Variants in PPP2R5E observed in about 807,000 individuals in gnomAD.
PPP2R5E encodes the protein protein phosphatase 2 regulatory subunit B'epsilon, also known as serine/threonine-protein phosphatase 2A 56 kDa regulatory subunit epsilon isoform.
In PPP2R5E, 4 loss-of-function variants were observed where a neutral mutation model predicts 65.3. That is an observed-to-expected ratio of 0.06 (90% confidence interval 0.03 to 0.14). The LOEUF is 0.14. PPP2R5E is among the 10% of genes least tolerant of loss of function. The probability of loss-of-function intolerance (pLI) is 1.00; values close to 1 mark genes in which losing one functional copy is unlikely to be tolerated. For missense variants in PPP2R5E, 274 were observed against 556.1 expected (o/e 0.49, Z 5.10); for synonymous variants, 183 against 187.4 (o/e 0.98, Z 0.19).
chr14:63,476,822 CA>C (rs565401494), intron 2 of PPP2R5E, among the ~76,000 whole-genome samples: 62 of 152,244 alleles, frequency 4.1e-4, no homozygotes, highest in African/African-American at 1.5e-3. Context: ...GATAGGATCA[CA>C]TATTTAACAC....
intron 4 of PPP2R5E, among the ~76,000 whole-genome samples, chr14:63,419,927 C>A (rs1162241025): frequency 6.6e-6 from 1 of 152,148 alleles, no homozygotes; most frequent in Non-Finnish European, 1.5e-5. Flanking sequence ...GGTTAATATT[C>A]CTGCAGTAAT....
At chr14:63,483,763 G>C (rs374928852) in intron 2 of PPP2R5E, among the ~76,000 whole-genome samples, 54 of 152,204 alleles carry the variant, frequency 3.5e-4, no homozygotes, top group African/African-American at 1.2e-3. Context: ...GAGCCGAGAT[G>C]GGGGAAGGAG....
rs769890501 is a variant in PPP2R5E, at chr14:63,415,090, T to TA, written c.549+49dup. 4.5e-6 allele frequency: 6 copies of TA among 1,326,582 alleles called. No individual in the cohort carries two copies. In the African/African-American group the frequency reaches 5.9e-5, roughly 13 times the overall value. 82.2% of individuals were successfully genotyped at this position (1,326,582 alleles called of 1,614,324 possible). A position where few individuals can be genotyped will look rare whatever the true frequency, so the allele number is the denominator to read the frequency against. On this transcript the variant is annotated intron_variant, in intron 5 of 13. Coordinates refer to ENST00000337537, the MANE Select transcript of PPP2R5E (RefSeq NM_006246.5). The stretch of plus-strand genomic sequence containing the variant: ...TAACAAACATGAAGAGAAAATGAGA[T>TA]AAAGTGTTAACTGGATGACAAATAC...
chr14:63,507,780 A>G (rs1045148439), intron 2 of PPP2R5E, among the ~76,000 whole-genome samples: 2 of 151,936 alleles, frequency 1.3e-5, no homozygotes, highest in Non-Finnish European at 2.9e-5. Flanking sequence ...GGGTTTCACC[A>G]TGTTAGCCAG....
chr14:63,513,011 A>AAACAAC (rs1200211973), intron 2 of PPP2R5E, among the ~76,000 whole-genome samples: 1 of 152,072 alleles, frequency 6.6e-6, no homozygotes, highest in Non-Finnish European at 1.5e-5. Flanking sequence ...CCCACCAAGA[A>AAACAAC]AACAACAACA....
chr14:63,539,257 C>A (rs1416907554), intron 2 of PPP2R5E, among the ~76,000 whole-genome samples: 1 of 152,158 alleles, frequency 6.6e-6, no homozygotes, highest in African/African-American at 2.4e-5. Context: ...CAAACCCAGA[C>A]ATCTTAAAGT....
rs1041178976 is a variant in PPP2R5E, at chr14:63,471,651, T to C, written c.158-17766A>G. Among the ~76,000 whole-genome samples the C allele has an allele frequency of 2.0e-5, 3 of 152,142 alleles. No individual in the cohort carries two copies. In the East Asian group the frequency reaches 5.8e-4, roughly 29 times the overall value. ...GTATTACCAACCTTATTTTTACATA[T>C]AAAAATTGGCCCAAAGATATTTAGC... is the stretch of plus-strand genomic sequence containing the variant. On this transcript the variant is annotated intron_variant, in intron 2 of 13. Transcript: ENST00000337537.
intron 3 of PPP2R5E, 81 bp from the exon 4 acceptor site, chr14:63,422,175 G>T: frequency 9.0e-7 from 1 of 1,112,430 alleles, no homozygotes; most frequent in Non-Finnish European, 1.4e-6. Flanking sequence ...CAAGCTGAGG[G>T]GAACCCAGAT....
chr14:63,431,502 C>A (rs951300513), intron 3 of PPP2R5E, among the ~76,000 whole-genome samples: 2 of 152,222 alleles, frequency 1.3e-5, no homozygotes, highest in African/African-American at 4.8e-5. Flanking sequence ...TCAAAACAAT[C>A]TCCTCAATAT....
intron 2 of PPP2R5E, among the ~76,000 whole-genome samples, chr14:63,491,296 G>C (rs927833619): frequency 6.6e-6 from 1 of 152,028 alleles, no homozygotes; most frequent in Non-Finnish European, 1.5e-5. Context: ...TGGATAACAA[G>C]TTCAATTCGA....
intron 5 of PPP2R5E, among the ~76,000 whole-genome samples, chr14:63,398,657 G>A (rs10131749): frequency 0.015 from 2,227 of 152,230 alleles, 53 homozygotes; most frequent in African/African-American, 0.051. Context: ...AGGCGTGCTG[G>A]CACATGCCTG....
intron 2 of PPP2R5E, among the ~76,000 whole-genome samples, chr14:63,472,726 G>A (rs890124502): frequency 1.3e-5 from 2 of 152,234 alleles, no homozygotes; most frequent in African/African-American, 4.8e-5. Context: ...CACATTATGG[G>A]AGAAATTATA....
At chr14:63,500,969 T>A (rs1017677936) in intron 2 of PPP2R5E, among the ~76,000 whole-genome samples, 4 of 152,220 alleles carry the variant, frequency 2.6e-5, no homozygotes, top group African/African-American at 9.6e-5. Flanking sequence ...TGTTAACTCA[T>A]TTAATTCTTA....
intron 5 of PPP2R5E, among the ~76,000 whole-genome samples, chr14:63,400,711 G>T (rs1208397486): frequency 2.9e-4 from 3 of 10,212 alleles, no homozygotes; most frequent in African/African-American, 6.3e-4. Flanking sequence ...AAAAAAAAAG[G>T]CCCCATATAG....
At chr14:63,383,613 G>A (rs1884495511) in intron 12 of PPP2R5E, among the ~76,000 whole-genome samples, 1 of 152,060 alleles carries the variant, frequency 6.6e-6, no homozygotes, top group African/African-American at 2.4e-5. Flanking sequence ...TTAGAAATGT[G>A]ATATTTTATA....
chr14:63,532,239 A>T (rs563994168), intron 2 of PPP2R5E, among the ~76,000 whole-genome samples: 19 of 152,330 alleles, frequency 1.2e-4, no homozygotes, highest in African/African-American at 4.6e-4. Flanking sequence ...GGAAACTAGG[A>T]GAAGGGATGG....
chr14:63,471,536 C>T (rs1193145932), intron 2 of PPP2R5E, among the ~76,000 whole-genome samples: 1 of 152,166 alleles, frequency 6.6e-6, no homozygotes, highest in East Asian at 1.9e-4. Context: ...ATAGTAAAAA[C>T]TTAGTAAGCA....
In PPP2R5E at chr14:63,411,658, T is replaced by TAAAA. The variant is rs766263301; in HGVS notation, c.549+3478_549+3481dup. Among the ~76,000 whole-genome samples, 554 of 93,102 alleles carry TAAAA rather than the reference T, an allele frequency of 6.0e-3. 7 individuals are homozygous for TAAAA. Among genetic ancestry groups the TAAAA allele is most frequent in the African/African-American group, 0.022 (522 of 23,426 alleles). The allele number at this position is 93,102 out of a possible 152,430, so 61.1% of individuals were successfully genotyped here. ...TTAGCTACCGTGAGATGTGGTTGTT[T>TAAAA]AAAAAAAAAAAAAAAAAAAAAAAAA... On this transcript the variant is annotated intron_variant, in intron 5 of 13. Transcript: ENST00000337537.
At chr14:63,421,241 C>CT (rs1887006164) in intron 4 of PPP2R5E, among the ~76,000 whole-genome samples, 1 of 152,038 alleles carries the variant, frequency 6.6e-6, no homozygotes, top group Non-Finnish European at 1.5e-5. Flanking sequence ...GGAAGGGTGA[C>CT]TTTGGGGTTC....
Sources: allele counts gnomAD v4.1 joint callset (sites outside exome capture counted in the v4.1 genomes callset), GRCh38; gene constraint gnomAD v4.1.1; transcripts MANE v1.5; gene names NCBI Gene and HGNC (gene_info 2026-07-23, HGNC 2026-07-21).